Variants in PPM1E observed in about 807,000 individuals in gnomAD.
PPM1E encodes the protein protein phosphatase 1E.
Under a neutral mutation model 65.9 loss-of-function variants are expected in PPM1E, and 20 were observed. That is an observed-to-expected ratio of 0.30 (90% confidence interval 0.21 to 0.44). PPM1E has a LOEUF of 0.44. Ranked by LOEUF, PPM1E falls within the 20% of genes least tolerant of loss-of-function variation. The pLI is 1.00. For synonymous variants in PPM1E, 352 were observed against 374.9 expected, an observed-to-expected ratio of 0.94 and a Z score of 0.70; for missense variants, 713 against 953.1, an observed-to-expected ratio of 0.75 and a Z score of 3.32.
intron 1 of PPM1E, among the ~76,000 whole-genome samples, chr17:58,946,942 G>A (rs2052159219): frequency 6.6e-6 from 1 of 151,684 alleles, no homozygotes; most frequent in Non-Finnish European, 1.5e-5. Context: ...TTTCTTTTAG[G>A]AGTTTTATGA....
At chr17:58,844,550 C>A (rs2050752904) in intron 1 of PPM1E, among the ~76,000 whole-genome samples, 1 of 152,062 alleles carries the variant, frequency 6.6e-6, no homozygotes, top group South Asian at 2.1e-4. Context: ...GTGACTGTTT[C>A]CCTCATTAAT....
intron 1 of PPM1E, among the ~76,000 whole-genome samples, chr17:58,802,873 G>GT (rs577917981): frequency 1.1e-4 from 16 of 150,508 alleles, no homozygotes; most frequent in Admixed American, 2.7e-4. Context: ...ATTTTTGTGT[G>GT]TTTTTTTTTA....
At chr17:58,879,884 T>C (rs527679311) in intron 1 of PPM1E, among the ~76,000 whole-genome samples, 2 of 152,106 alleles carry the variant, frequency 1.3e-5, no homozygotes, top group East Asian at 3.9e-4. Flanking sequence ...TTTGGAGGAG[T>C]GGCAAAACTC....
intron 1 of PPM1E, among the ~76,000 whole-genome samples, chr17:58,923,958 G>A (rs1189247517): frequency 1.7e-4 from 20 of 118,994 alleles, no homozygotes; most frequent in Admixed American, 3.2e-4. Flanking sequence ...CGCTCTTGTC[G>A]CCCAGGCTGG....
intron 1 of PPM1E, among the ~76,000 whole-genome samples, chr17:58,850,976 C>G (rs921658801): frequency 1.3e-5 from 2 of 152,120 alleles, no homozygotes; most frequent in Non-Finnish European, 2.9e-5. Context: ...TTGTTCATTT[C>G]TTTTTACTTT....
At position 58,805,977 on chromosome 17, in the gene PPM1E, AAAAAAAACAAAACAAAAC is replaced by A. The variant is rs1567838863; in HGVS notation, c.464+49521_464+49538del. Among the ~76,000 whole-genome samples the A allele has an allele frequency of 9.0e-4, 99 of 109,814 alleles. 3 individuals are homozygous for A. The highest frequency in any genetic ancestry group is 3.5e-3 in the African/African-American group (82 of 23,122). The allele number at this position is 109,814 out of a possible 152,430, so 72.0% of individuals were successfully genotyped here. On this transcript the variant is annotated intron_variant, in intron 1 of 6. Coordinates refer to ENST00000308249, the MANE Select transcript of PPM1E (RefSeq NM_014906.5). Reference sequence around the variant, plus strand: ...AAAAAAAAACAAAAAAAAAAAACAAAAAAAAAACAAAACAAAACAAAACAAAAAAAAAACTATATGTAG... The same window carrying A: ...AAAAAAAAACAAAAAAAAAAAACAAAAAAACAAAAAAAAAACTATATGTAG...
intron 6 of PPM1E, among the ~76,000 whole-genome samples, chr17:58,978,462 G>A (rs901127877): frequency 3.3e-5 from 5 of 152,174 alleles, no homozygotes; most frequent in Non-Finnish European, 7.3e-5. Context: ...TGTTATCCCA[G>A]CACTTTGGGA....
intron 1 of PPM1E, among the ~76,000 whole-genome samples, chr17:58,906,393 C>T (rs779003621): frequency 1.3e-5 from 2 of 152,200 alleles, no homozygotes; most frequent in Non-Finnish European, 2.9e-5. Flanking sequence ...GGCTGGAGTG[C>T]AGTGGCACTG....
intron 1 of PPM1E, among the ~76,000 whole-genome samples, chr17:58,765,790 T>G (rs1288624046): frequency 6.6e-6 from 1 of 152,100 alleles, no homozygotes. Flanking sequence ...ATAGAAACAT[T>G]ACCATTGTTG....
chr17:58,791,584 C>T (rs537551435), intron 1 of PPM1E, among the ~76,000 whole-genome samples: 1 of 152,244 alleles, frequency 6.6e-6, no homozygotes, highest in African/African-American at 2.4e-5. Flanking sequence ...CCTCTTTATC[C>T]ACTTGTATAG....
chr17:58,884,368 T>G (rs1433167427), intron 1 of PPM1E, among the ~76,000 whole-genome samples: 1 of 152,174 alleles, frequency 6.6e-6, no homozygotes, highest in African/African-American at 2.4e-5. Context: ...TCATTCAGCT[T>G]TCCTCACTGC....
intron 1 of PPM1E, among the ~76,000 whole-genome samples, chr17:58,807,661 AC>A (rs1203151911): frequency 6.6e-6 from 1 of 152,234 alleles, no homozygotes; most frequent in East Asian, 1.9e-4. Context: ...GATACTTATA[AC>A]ACAAATAACT....
At chr17:58,830,795 C>T (rs2050597191) in intron 1 of PPM1E, among the ~76,000 whole-genome samples, 2 of 151,832 alleles carry the variant, frequency 1.3e-5, no homozygotes, top group African/African-American at 4.8e-5. Flanking sequence ...AGCAATACTC[C>T]TGCCTCAGTC....
chr17:58,769,076 T>TA (rs1052265799), intron 1 of PPM1E, among the ~76,000 whole-genome samples: 98 of 151,262 alleles, frequency 6.5e-4, no homozygotes, highest in African/African-American at 1.3e-3. Context: ...TGGCAAAAAT[T>TA]AAAAAAAAAT....
rs67568496 is a variant in PPM1E, at chr17:58,816,741, AATATATATATATAT to A, written c.464+60321_464+60334del. ...ATGTTGTAGCATGTATCAGAATATA[AATATATATATATAT>A]ATATATATATATATATATATATATA... On this transcript the variant is annotated intron_variant, in intron 1 of 6. Coordinates refer to ENST00000308249, the MANE Select transcript of PPM1E (RefSeq NM_014906.5). Among the ~76,000 whole-genome samples, 656 of 85,118 alleles carry A rather than the reference AATATATATATATAT, an allele frequency of 7.7e-3. 5 individuals are homozygous for A. Among genetic ancestry groups the A allele is most frequent in the Middle Eastern group, 0.026 (4 of 152 alleles). 55.8% of individuals were successfully genotyped at this position (85,118 alleles called of 152,430 possible).
intron 1 of PPM1E, among the ~76,000 whole-genome samples, chr17:58,811,025 T>G (rs2050361691): frequency 6.6e-6 from 1 of 151,998 alleles, no homozygotes; most frequent in South Asian, 2.1e-4. Context: ...GCCTGGAAAA[T>G]TTTTGTATTT....
intron 1 of PPM1E, among the ~76,000 whole-genome samples, chr17:58,800,081 A>C (rs904738051): frequency 6.6e-6 from 1 of 152,184 alleles, no homozygotes; most frequent in Non-Finnish European, 1.5e-5. Flanking sequence ...ATCTTATTGA[A>C]TCTTTCAATC....
chr17:58,810,543 A>AAT (rs1255406446), intron 1 of PPM1E, among the ~76,000 whole-genome samples: 3 of 151,952 alleles, frequency 2.0e-5, no homozygotes, highest in Non-Finnish European at 4.4e-5. Flanking sequence ...GGAAGCAAAT[A>AAT]ATATATATAT....
chr17:58,958,237 G>A (rs552062085), intron 2 of PPM1E, among the ~76,000 whole-genome samples: 18 of 151,176 alleles, frequency 1.2e-4, no homozygotes, highest in African/African-American at 4.4e-4. Context: ...GAGAGAAAGG[G>A]TCTCCCTCTG....
Sources: allele counts gnomAD v4.1 joint callset (sites outside exome capture counted in the v4.1 genomes callset), GRCh38; gene constraint gnomAD v4.1.1; transcripts MANE v1.5; gene names NCBI Gene and HGNC (gene_info 2026-07-23, HGNC 2026-07-21).